Variants in RFTN1 observed in about 807,000 individuals in gnomAD.
RFTN1 encodes raftlin.
RFTN1 carries 26 observed loss-of-function variants against 46.5 expected under a neutral mutation model. That is an observed-to-expected ratio of 0.56 (90% CI 0.41 to 0.78). The LOEUF (loss-of-function observed/expected upper bound fraction) is 0.78. Among genes scored for constraint, RFTN1 ranks in the 30% least tolerant of loss-of-function variants. RFTN1 has a pLI of 0.00. For missense variants in RFTN1, 693 were observed against 718.7 expected, an observed-to-expected ratio of 0.96 and a Z score of 0.41; for synonymous variants, 261 against 284.2, an observed-to-expected ratio of 0.92 and a Z score of 0.82.
chr3:16,389,027 A>T (rs970576025), intron 4 of RFTN1, among the ~76,000 whole-genome samples: 16 of 151,810 alleles, frequency 1.1e-4, no homozygotes, highest in African/African-American at 7.2e-5. Context: ...CATAAGTTTA[A>T]AGAATTTAAC....
chr3:16,497,737 T>C (rs1297259048), intron 1 of RFTN1, among the ~76,000 whole-genome samples: 1 of 152,234 alleles, frequency 6.6e-6, no homozygotes, highest in African/African-American at 2.4e-5. Flanking sequence ...GAAATCAGAA[T>C]TACCTTTCCT....
At position 16,338,134 on chromosome 3, in the gene RFTN1, T is replaced by C. The variant is rs982683121; in HGVS notation, c.1147-11258A>G. Among the ~76,000 whole-genome samples the C allele has an allele frequency of 2.0e-5, 3 of 152,224 alleles. No individual in the cohort carries two copies. Among genetic ancestry groups the C allele is most frequent in the African/African-American group, 4.8e-5 (2 of 41,454 alleles). On this transcript the variant is annotated intron_variant, in intron 7 of 9. Transcript: ENST00000334133. The surrounding 1 kb of genome is among the most constrained non-coding windows in gnomAD (Gnocchi z 5.3). ...GACACGCTGGGTGATCTGGTCCTGG[T>C]ACATGCGGTTTCTCTAACGTCAGTT...
At chr3:16,391,869 GTT>G (rs576052890) in intron 4 of RFTN1, among the ~76,000 whole-genome samples, 26,467 of 57,764 alleles carry the variant, frequency 0.46, 3,982 homozygotes, top group African/African-American at 0.52. Flanking sequence ...TTTTTTTTTT[GTT>G]TTTTTTTTTT....
In RFTN1 at chr3:16,484,222, G is replaced by C. The variant is rs1453084986; in HGVS notation, c.145+9503C>G. Among the ~76,000 whole-genome samples the C allele has an allele frequency of 6.6e-6, 1 of 152,142 alleles. No individual in the cohort carries two copies. Among genetic ancestry groups the C allele is most frequent in the Non-Finnish European group, 1.5e-5 (1 of 68,026 alleles). ...TTAGTCTTTTTCCCAGCCGTGAAGG[G>C]AGACTGAAAGGACAACTCTTATAAA... On this transcript the variant is annotated intron_variant, in intron 2 of 9. Transcript: ENST00000334133. The surrounding 1 kb of genome is among the most constrained non-coding windows in gnomAD (Gnocchi z 4.6).
chr3:16,491,724 T>G (rs1193868237), intron 2 of RFTN1, among the ~76,000 whole-genome samples: 3 of 149,884 alleles, frequency 2.0e-5, no homozygotes, highest in African/African-American at 7.4e-5. Flanking sequence ...TTCGTCATAA[T>G]GAAAAACACA....
chr3:16,356,102 C>A lies in RFTN1; in HGVS notation c.1146+1830G>T, dbSNP rs2072417742. On this transcript the variant is annotated intron_variant, in intron 7 of 9. Coordinates refer to ENST00000334133, the MANE Select transcript of RFTN1 (RefSeq NM_015150.2). This position sits in a 1 kb window ranked among gnomAD's most constrained non-coding sequence, Gnocchi z 4.9. ...TTTCATATTTCACCACCACCTGGAG[C>A]CTTCACTCCACCACACGTGATGGGC... 1.3e-5 allele frequency among the ~76,000 whole-genome samples: 2 copies of A among 152,312 alleles called. No homozygotes were observed. Among genetic ancestry groups the A allele is most frequent in the Admixed American group, 1.3e-4 (2 of 15,312 alleles).
chr3:16,473,231 A>C lies in RFTN1; in HGVS notation c.145+20494T>G, dbSNP rs1376985431. 6.6e-6 allele frequency among the ~76,000 whole-genome samples: 1 copy of C among 152,066 alleles called. No individual in the cohort carries two copies. The highest frequency in any genetic ancestry group is 1.5e-5 in the Non-Finnish European group (1 of 68,004). ...ACCACAGTATACCACCTCCACCCCA[A>C]TACTGGGCCAGACTCCATGATACCA... On this transcript the variant is annotated intron_variant, in intron 2 of 9. Transcript: ENST00000334133. The surrounding 1 kb of genome is among the most constrained non-coding windows in gnomAD (Gnocchi z 5.3).
chr3:16,497,655 C>G (rs893663311), intron 1 of RFTN1, among the ~76,000 whole-genome samples: 4 of 152,196 alleles, frequency 2.6e-5, no homozygotes, highest in Non-Finnish European at 4.4e-5. Context: ...CAAGAAGGAG[C>G]TTGTTCCTCA....
At chr3:16,323,242 A>C in intron 9 of RFTN1, 134 bp downstream of exon 9, 1 of 650,426 alleles carries the variant, frequency 1.5e-6, no homozygotes, top group Non-Finnish European at 2.7e-6. Context: ...TCGGGTTGCC[A>C]GGGGCTCAGG....
Position 16,357,918 on chromosome 3 carries a change from A to G in RFTN1, c.1146+14T>C. 6.5e-7 allele frequency: 1 copy of G among 1,537,048 alleles called. No homozygotes were observed. Among genetic ancestry groups the G allele is most frequent in the Non-Finnish European group, 9.0e-7 (1 of 1,111,108 alleles). ...TCTAAACAAAAGAAGCGGGGCTGCC[A>G]ACCCCACACTTACTTCCAGGACTGT... On this transcript the variant is annotated intron_variant, in intron 7 of 9. Transcript: ENST00000334133.
intron 8 of RFTN1, 98 bp downstream of exon 8, chr3:16,326,675 A>G (rs768360426): frequency 1.1e-5 from 10 of 880,032 alleles, no homozygotes; most frequent in South Asian, 3.3e-5. Context: ...CCTCTTGCAC[A>G]GGATTAAATA....
chr3:16,357,795 C>A lies in RFTN1; in HGVS notation c.1146+137G>T, dbSNP rs886114803. 1.6e-5 allele frequency: 9 copies of A among 553,522 alleles called. No homozygotes were observed. The African/African-American group carries it at 1.7e-4, about 11-fold the overall frequency. 34.3% of individuals were successfully genotyped at this position (553,522 alleles called of 1,614,324 possible). A position where few individuals can be genotyped will look rare whatever the true frequency, so the allele number is the denominator to read the frequency against. The stretch of plus-strand genomic sequence containing the variant: ...AGGGGAATGAAAAGACTAAGGGGAT[C>A]CTTCTAGGACCTACCAGGTCAACTC... On this transcript the variant is annotated intron_variant, in intron 7 of 9. Coordinates refer to ENST00000334133, the MANE Select transcript of RFTN1 (RefSeq NM_015150.2).
In RFTN1 at chr3:16,353,425, G is replaced by A. The variant is rs1485174487; in HGVS notation, c.1146+4507C>T. On this transcript the variant is annotated intron_variant, in intron 7 of 9. Transcript: ENST00000334133. The surrounding 1 kb of genome is among the most constrained non-coding windows in gnomAD (Gnocchi z 5.4). ...AACCTGTCCCGGACTGGACATTGCT[G>A]GGCTGTGCTGGTTACAGAGCTGTCT... Among the ~76,000 whole-genome samples the A allele has an allele frequency of 3.9e-5, 6 of 152,276 alleles. No homozygotes were observed. The South Asian group carries it at 1.2e-3, about 32-fold the overall frequency.
At chr3:16,358,357 G>A (rs2072599298) in intron 6 of RFTN1, among the ~76,000 whole-genome samples, 1 of 152,074 alleles carries the variant, frequency 6.6e-6, no homozygotes, top group Non-Finnish European at 1.5e-5. Context: ...AGGATGCACT[G>A]GGGAGAACTT....
rs1256893733 is a variant in RFTN1 at position 16,338,878 on chromosome 3, G to C, written c.1147-12002C>G. On this transcript the variant is annotated intron_variant, in intron 7 of 9. Coordinates refer to ENST00000334133, the MANE Select transcript of RFTN1 (RefSeq NM_015150.2). This position sits in a 1 kb window ranked among gnomAD's most constrained non-coding sequence, Gnocchi z 5.3. ...GGGGAGAGAGCCAGTCTGTCTGCAGGAATTCTAGAACCCAAAACTGTCAAC... is the reference window on the plus strand; with the variant it reads ...GGGGAGAGAGCCAGTCTGTCTGCAGCAATTCTAGAACCCAAAACTGTCAAC... 2.6e-5 allele frequency among the ~76,000 whole-genome samples: 4 copies of C among 152,172 alleles called. No individual in the cohort carries two copies. The highest frequency in any genetic ancestry group is 4.4e-5 in the Non-Finnish European group (3 of 68,030).
chr3:16,488,140 T>C (rs951155999), intron 2 of RFTN1, among the ~76,000 whole-genome samples: 6 of 151,626 alleles, frequency 4.0e-5, no homozygotes, highest in African/African-American at 1.2e-4. Flanking sequence ...TTCACTCTTG[T>C]TGCCCAGGCT....
At position 16,428,382 on chromosome 3, in the gene RFTN1, G is replaced by A. The variant is rs1027822249; in HGVS notation, c.332+5469C>T. 6.6e-6 allele frequency among the ~76,000 whole-genome samples: 1 copy of A among 152,204 alleles called. No individual in the cohort carries two copies. Among genetic ancestry groups the A allele is most frequent in the African/African-American group, 2.4e-5 (1 of 41,456 alleles). On this transcript the variant is annotated intron_variant, in intron 3 of 9. Coordinates refer to ENST00000334133, the MANE Select transcript of RFTN1 (RefSeq NM_015150.2). The surrounding 1 kb of genome is among the most constrained non-coding windows in gnomAD (Gnocchi z 4.7). ...TGGAAAAGCAATCTGATCTAGTCCTGAAGGAAGACATGCATTGGTCAGGTA... is the reference window on the plus strand; with the variant it reads ...TGGAAAAGCAATCTGATCTAGTCCTAAAGGAAGACATGCATTGGTCAGGTA...
chr3:16,439,854 C>T (rs2125508513), intron 2 of RFTN1, among the ~76,000 whole-genome samples: 1 of 152,158 alleles, frequency 6.6e-6, no homozygotes, highest in East Asian at 1.9e-4. Flanking sequence ...GGAAGAGATG[C>T]CTGCCCAGCG....
At position 16,466,942 on chromosome 3, in the gene RFTN1, G is replaced by A. The variant is rs2076104503; in HGVS notation, c.145+26783C>T. Among the ~76,000 whole-genome samples, 1 of 152,326 alleles carries A rather than the reference G, an allele frequency of 6.6e-6. No homozygotes were observed. The highest frequency in any genetic ancestry group is 2.1e-4 in the South Asian group (1 of 4,826). On this transcript the variant is annotated intron_variant, in intron 2 of 9. Coordinates refer to ENST00000334133, the MANE Select transcript of RFTN1 (RefSeq NM_015150.2). This position sits in a 1 kb window ranked among gnomAD's most constrained non-coding sequence, Gnocchi z 5.6. ...AAGGAAGGTCACTCTGATTGAAGAG[G>A]AGATGGTTAGTAGGGGGATGGATGC...
Sources: gnomAD v4.1 joint callset for allele counts (sites outside exome capture counted in the v4.1 genomes callset) on GRCh38, gnomAD v4.1.1 for gene constraint, Gnocchi (gnomAD v3.1) non-coding constraint, MANE v1.5 for transcripts, NCBI Gene and HGNC (gene_info 2026-07-23, HGNC 2026-07-21) for gene names.